The following SND1 variants were observed in gnomAD, a reference collection of about 807,000 sequenced individuals.
SND1 encodes the protein staphylococcal nuclease domain-containing protein 1.
Under a neutral mutation model 121.7 loss-of-function variants are expected in SND1, and 38 were observed. That is an observed-to-expected ratio of 0.31 (90% CI 0.24 to 0.41). SND1 has a LOEUF of 0.41. SND1 is among the 10% of genes least tolerant of loss of function. SND1 has a pLI of 1.00. For synonymous variants in SND1, 401 were observed against 447.4 expected (o/e 0.90, Z 1.31); for missense variants, 868 against 1,184.6 (o/e 0.73, Z 3.92).
intron 15 of SND1, among the ~76,000 whole-genome samples, chr7:127,948,618 A>C (rs997167960): frequency 6.6e-6 from 1 of 152,238 alleles, no homozygotes; most frequent in African/African-American, 2.4e-5. Flanking sequence ...CCATCTATCC[A>C]ATTCTCAGAA....
intron 11 of SND1, among the ~76,000 whole-genome samples, chr7:127,824,270 G>A (rs191474338): frequency 7.2e-5 from 11 of 152,274 alleles, no homozygotes; most frequent in Admixed American, 3.9e-4. Context: ...AGTGTTATTT[G>A]TCATCTCAGA....
At chr7:128,089,917 G>C in intron 22 of SND1, 2 of 532,496 alleles carry the variant, frequency 3.8e-6, no homozygotes, top group Non-Finnish European at 6.8e-6. Context: ...CTGCAAACTA[G>C]AGCGGAAAGC....
At position 127,703,354 on chromosome 7, in the gene SND1, T is replaced by C. The variant is rs758789762; in HGVS notation, c.840+31T>C. 3.7e-6 allele frequency: 6 copies of C among 1,611,198 alleles called. No homozygotes were observed. In the African/African-American group the frequency reaches 4.0e-5, roughly 11 times the overall value. On this transcript the variant is annotated intron_variant, in intron 7 of 23. Coordinates refer to ENST00000354725, the MANE Select transcript of SND1 (RefSeq NM_014390.4). ...TGTGTCTGTGCAGACTGGGTGGTGATGGGCTAGGGATGCATTTGGGGTTTG... is the reference window on the plus strand; with the variant it reads ...TGTGTCTGTGCAGACTGGGTGGTGACGGGCTAGGGATGCATTTGGGGTTTG...
chr7:127,809,205 T>TA (rs1490167181), intron 11 of SND1, among the ~76,000 whole-genome samples: 2 of 152,212 alleles, frequency 1.3e-5, no homozygotes, highest in Admixed American at 1.3e-4. Context: ...AGTCAATTCT[T>TA]AATCAATTAG....
At chr7:127,981,527 G>T (rs1213444650) in intron 15 of SND1, among the ~76,000 whole-genome samples, 3 of 149,604 alleles carry the variant, frequency 2.0e-5, no homozygotes, top group Non-Finnish European at 4.5e-5. Flanking sequence ...CAGTGAGAGG[G>T]TTTTTTTTTT....
At chr7:127,667,432 G>C (rs1349456732) in intron 1 of SND1, among the ~76,000 whole-genome samples, 1 of 152,212 alleles carries the variant, frequency 6.6e-6, no homozygotes, top group African/African-American at 2.4e-5. Flanking sequence ...TTGATATTTT[G>C]TACAGTACAT....
At chr7:127,710,422 T>C (rs892529174) in intron 9 of SND1, among the ~76,000 whole-genome samples, 2 of 151,252 alleles carry the variant, frequency 1.3e-5, no homozygotes, top group African/African-American at 4.9e-5. Flanking sequence ...AAGGCATTAC[T>C]TCCTTCATCA....
intron 14 of SND1, among the ~76,000 whole-genome samples, chr7:127,911,146 CTATT>C (rs989027118): frequency 1.3e-5 from 2 of 152,122 alleles, no homozygotes; most frequent in African/African-American, 2.4e-5. Context: ...AGCTATTGCT[CTATT>C]TCTTTCTTCT....
intron 12 of SND1, chr7:127,858,602 C>T (rs1296564305): frequency 3.1e-6 from 1 of 318,220 alleles, no homozygotes; most frequent in Non-Finnish European, 5.9e-6. Flanking sequence ...TGCTAATGGA[C>T]TCTAGGGAAC....
intron 16 of SND1, among the ~76,000 whole-genome samples, chr7:128,002,844 C>T (rs546929448): frequency 1.3e-5 from 2 of 152,320 alleles, no homozygotes; most frequent in South Asian, 4.1e-4. Context: ...CCAGGATTGC[C>T]ATAGATTTGT....
At chr7:127,872,930 A>G (rs1389642626) in intron 12 of SND1, among the ~76,000 whole-genome samples, 2 of 152,192 alleles carry the variant, frequency 1.3e-5, no homozygotes, top group East Asian at 1.9e-4. Context: ...CAACAGACCT[A>G]CATCACATTT....
chr7:127,987,714 T>C (rs1402630941), intron 15 of SND1, among the ~76,000 whole-genome samples: 1 of 150,276 alleles, frequency 6.7e-6, no homozygotes, highest in Non-Finnish European at 1.5e-5. Flanking sequence ...AAACTGGGTA[T>C]TTGTCCCACT....
chr7:127,681,269 A>G (rs1447578963), intron 1 of SND1, among the ~76,000 whole-genome samples: 1 of 152,146 alleles, frequency 6.6e-6, no homozygotes. Context: ...GCATCTTTTC[A>G]TGTGCTTTTT....
At chr7:128,030,629 C>G (rs1006088956) in intron 16 of SND1, 5 of 1,560,114 alleles carry the variant, frequency 3.2e-6, no homozygotes, top group Non-Finnish European at 4.4e-6. Flanking sequence ...TTACCTGCCA[C>G]AAGAGCTTCA....
intron 10 of SND1, among the ~76,000 whole-genome samples, chr7:127,735,167 G>A (rs1587628763): frequency 1.3e-5 from 2 of 152,244 alleles, no homozygotes; most frequent in Admixed American, 1.3e-4. Flanking sequence ...CTGGTAAGTG[G>A]AGGAACCAGG....
chr7:127,856,534 A>AGG (rs777379754), intron 12 of SND1, among the ~76,000 whole-genome samples: 123 of 152,322 alleles, frequency 8.1e-4, no homozygotes, highest in Non-Finnish European at 1.3e-3. Context: ...GCGATCTTGG[A>AGG]GGTGAGTATG....
At chr7:127,788,230 A>G (rs994002096) in intron 10 of SND1, among the ~76,000 whole-genome samples, 1 of 152,236 alleles carries the variant, frequency 6.6e-6, no homozygotes, top group South Asian at 2.1e-4. Flanking sequence ...AAGTAATTTT[A>G]TTCAACAAAT....
chr7:127,689,083 C>G (rs1795869760), intron 2 of SND1, among the ~76,000 whole-genome samples: 1 of 152,196 alleles, frequency 6.6e-6, no homozygotes, highest in Admixed American at 6.5e-5. Context: ...GGTCCTCCAT[C>G]AGGGACCACA....
At chr7:128,014,614 T>C (rs544949462) in intron 16 of SND1, among the ~76,000 whole-genome samples, 95 of 152,250 alleles carry the variant, frequency 6.2e-4, no homozygotes, top group African/African-American at 2.2e-3. Context: ...GCGCAGTTGG[T>C]GGTGCAGCTT....
Sources: gnomAD v4.1 joint callset for allele counts (sites outside exome capture counted in the v4.1 genomes callset) on GRCh38, gnomAD v4.1.1 for gene constraint, MANE v1.5 for transcripts, NCBI Gene and HGNC (gene_info 2026-07-23, HGNC 2026-07-21) for gene names.